Variants in ABCC1 observed in about 807,000 individuals in gnomAD.
ABCC1 encodes multidrug resistance-associated protein 1.
A neutral mutation model predicts 172.9 loss-of-function variants in ABCC1; 83 were observed. That is an observed-to-expected ratio of 0.48 (90% CI 0.40 to 0.58). The LOEUF is 0.58. ABCC1 is among the 20% of genes least tolerant of loss of function. The pLI, the probability that ABCC1 is intolerant of heterozygous loss-of-function variation, is 0.00. For missense variants in ABCC1, 1,817 were observed against 2,002.7 expected, an observed-to-expected ratio of 0.91 and a Z score of 1.77; for synonymous variants, 937 against 825.2, an observed-to-expected ratio of 1.14 and a Z score of -2.32.
At chr16:16,007,712 T>C (rs1173383241) in intron 1 of ABCC1, 104 bp from the exon 2 acceptor site, 1 of 1,137,258 alleles carries the variant, frequency 8.8e-7, no homozygotes, top group Non-Finnish European at 1.2e-6. Context: ...ATAGGAGCCT[T>C]GTCTGTTTCT....
At chr16:16,040,973 G>C (rs1317665009) in intron 7 of ABCC1, among the ~76,000 whole-genome samples, 1 of 152,102 alleles carries the variant, frequency 6.6e-6, no homozygotes, top group East Asian at 1.9e-4. Context: ...TTTTGTCCAG[G>C]CTGGAGTGCA....
rs147953714 is a variant in ABCC1 at position 16,058,902 on chromosome 16, C to T, written c.1677+2607C>T. On this transcript the variant is annotated intron_variant, in intron 12 of 30. Transcript: ENST00000399410. Reference sequence around the variant, plus strand: ...AACTCCTGACCTCAGGAGATCTACCCGCCTTGGCCTCCGAAAGTGCTGGGA... The same window carrying T: ...AACTCCTGACCTCAGGAGATCTACCTGCCTTGGCCTCCGAAAGTGCTGGGA... Among the ~76,000 whole-genome samples the T allele has an allele frequency of 1.8e-3, 278 of 152,302 alleles. 1 individual carries two copies. Among genetic ancestry groups the T allele is most frequent in the African/African-American group, 6.2e-3 (257 of 41,562 alleles).
chr16:16,020,910 T>C (rs12929789), intron 5 of ABCC1, among the ~76,000 whole-genome samples: 18,593 of 152,090 alleles, frequency 0.12, 1,531 homozygotes, highest in African/African-American at 0.23. Flanking sequence ...TCGACCTGAG[T>C]AGTAGAGCAG....
rs2045170168 is a variant in ABCC1 at position 16,121,828 on chromosome 16, T to A, written c.3391-147T>A. 3 of 692,992 alleles carry A rather than the reference T, an allele frequency of 4.3e-6. No individual in the cohort carries two copies. The East Asian group carries it at 8.2e-5, about 19-fold the overall frequency. The allele number at this position is 692,992 out of a possible 1,614,324, so 42.9% of individuals were successfully genotyped here. ...CTATTCCTGTGGTTCACCAGGTGAG[T>A]GGGCACCCCTGTGAGGGCAGCCCGG... On this transcript the variant is annotated intron_variant, in intron 23 of 30. Transcript: ENST00000399410.
chr16:16,070,249 C>T (rs746789094), intron 13 of ABCC1, among the ~76,000 whole-genome samples: 1 of 151,874 alleles, frequency 6.6e-6, no homozygotes, highest in Non-Finnish European at 1.5e-5. Context: ...TGCATGCCTG[C>T]AGTGACTACA....
At chr16:16,070,803 T>G (rs2050316376) in intron 13 of ABCC1, among the ~76,000 whole-genome samples, 1 of 152,246 alleles carries the variant, frequency 6.6e-6, no homozygotes, top group African/African-American at 2.4e-5. Context: ...TTCTTTCCTT[T>G]CTTTGCCGAA....
At chr16:16,137,611 G>A (rs2045965654) in intron 29 of ABCC1, among the ~76,000 whole-genome samples, 1 of 130,468 alleles carries the variant, frequency 7.7e-6, no homozygotes, top group East Asian at 2.6e-4. Context: ...AGGCTGGAGT[G>A]CAGTGGCGCA....
chr16:15,983,153 G>T (rs2046666567), intron 1 of ABCC1, among the ~76,000 whole-genome samples: 1 of 152,126 alleles, frequency 6.6e-6, no homozygotes, highest in Admixed American at 6.5e-5. Context: ...GGAGATAGGT[G>T]GGCCTCCCTC....
rs539695600 is a variant in ABCC1 at position 16,068,035 on chromosome 16, C to A, written c.1678-121C>A. The A allele has an allele frequency of 1.1e-5, 12 of 1,132,020 alleles. No individual in the cohort carries two copies. The South Asian group carries it at 1.2e-4, about 12-fold the overall frequency. 70.1% of individuals were successfully genotyped at this position (1,132,020 alleles called of 1,614,324 possible). On this transcript the variant is annotated intron_variant, in intron 12 of 30. Coordinates refer to ENST00000399410, the MANE Select transcript of ABCC1 (RefSeq NM_004996.4). Reference sequence around the variant, plus strand: ...CCCCAGGTTTTTCCACGAGCTCCAGCAGCTGGTCAGTTGTGGCCACCTGGG... The same window carrying A: ...CCCCAGGTTTTTCCACGAGCTCCAGAAGCTGGTCAGTTGTGGCCACCTGGG...
intron 27 of ABCC1, among the ~76,000 whole-genome samples, chr16:16,133,811 G>C (rs1002091501): frequency 1.3e-5 from 2 of 152,174 alleles, no homozygotes; most frequent in African/African-American, 4.8e-5. Flanking sequence ...TCAAGAGCCA[G>C]GCAGGAAGGG....
chr16:16,103,389 G>A (rs757477325), intron 20 of ABCC1, among the ~76,000 whole-genome samples: 1 of 152,064 alleles, frequency 6.6e-6, no homozygotes, highest in East Asian at 1.9e-4. Flanking sequence ...AGACCAGCCT[G>A]GCCAACATGA....
intron 5 of ABCC1, among the ~76,000 whole-genome samples, chr16:16,030,715 CT>C (rs2048531018): frequency 6.6e-6 from 1 of 151,658 alleles, no homozygotes; most frequent in Admixed American, 6.6e-5. Flanking sequence ...CTTGGCTTAC[CT>C]TGCATATTTC....
intron 21 of ABCC1, among the ~76,000 whole-genome samples, chr16:16,111,118 C>T (rs1008628857): frequency 1.3e-5 from 2 of 152,156 alleles, no homozygotes; most frequent in African/African-American, 2.4e-5. Context: ...AGGCTGGTCT[C>T]GAAGTCTCTA....
intron 14 of ABCC1, among the ~76,000 whole-genome samples, chr16:16,075,662 G>A (rs898368213): frequency 2.6e-5 from 4 of 152,086 alleles, no homozygotes; most frequent in African/African-American, 7.2e-5. Flanking sequence ...ACCAGTTAAC[G>A]TGGGCTTTGT....
intron 1 of ABCC1, among the ~76,000 whole-genome samples, chr16:15,986,647 A>G (rs1449837273): frequency 2.0e-5 from 3 of 152,178 alleles, no homozygotes; most frequent in Non-Finnish European, 2.9e-5. Flanking sequence ...CCTGGTGCCA[A>G]AAAGCGTGGG....
chr16:16,089,104 G>A (rs1190127702), intron 18 of ABCC1, among the ~76,000 whole-genome samples: 3 of 152,154 alleles, frequency 2.0e-5, no homozygotes, highest in Non-Finnish European at 2.9e-5. Context: ...AAGATTGACC[G>A]TTAGCTGTTT....
chr16:16,010,014 C>G, intron 3 of ABCC1, 113 bp downstream of exon 3: 1 of 366,178 alleles, frequency 2.7e-6, no homozygotes, highest in Non-Finnish European at 4.3e-6. Flanking sequence ...TCAGCTGGAG[C>G]TGGGATATAA....
At chr16:16,078,772 G>T (rs1379040754) in intron 15 of ABCC1, among the ~76,000 whole-genome samples, 1 of 152,178 alleles carries the variant, frequency 6.6e-6, no homozygotes, top group Non-Finnish European at 1.5e-5. Flanking sequence ...CGCCTCTTGG[G>T]TTCAAGTGAT....
intron 1 of ABCC1, among the ~76,000 whole-genome samples, chr16:15,980,121 A>G (rs1404526904): frequency 6.6e-6 from 1 of 152,174 alleles, no homozygotes; most frequent in Non-Finnish European, 1.5e-5. Flanking sequence ...GACTTGGAGC[A>G]GGGGTTGGCA....
Sources: allele counts gnomAD v4.1 joint callset (sites outside exome capture counted in the v4.1 genomes callset), GRCh38; gene constraint gnomAD v4.1.1; transcripts MANE v1.5; gene names NCBI Gene and HGNC (gene_info 2026-07-23, HGNC 2026-07-21).